CDH19: variants seen among roughly 807,000 people sequenced by gnomAD.
The protein encoded by CDH19 is cadherin 19.
A neutral mutation model predicts 64.2 loss-of-function variants in CDH19; 67 were observed. That is an observed-to-expected ratio of 1.04 (90% CI 0.86 to 1.28). The LOEUF is 1.28. CDH19 is among the 50% of genes most tolerant of loss of function. CDH19 has a pLI of 0.00. For synonymous variants in CDH19, 346 were observed against 319.3 expected (o/e 1.08, Z -0.89); for missense variants, 1,030 against 929.0 (o/e 1.11, Z -1.41).
At chr18:66,582,800 T>A (rs2144606966) in intron 1 of CDH19, among the ~76,000 whole-genome samples, 1 of 152,088 alleles carries the variant, frequency 6.6e-6, no homozygotes, top group Admixed American at 6.6e-5. Flanking sequence ...TGCCATTTCA[T>A]TTTTGGGCTG....
At chr18:66,582,223 G>A (rs1988443985) in intron 1 of CDH19, among the ~76,000 whole-genome samples, 3 of 151,930 alleles carry the variant, frequency 2.0e-5, no homozygotes, top group Non-Finnish European at 4.4e-5. Context: ...TTGTTCTAAA[G>A]ATTCTTGAGG....
intron 1 of CDH19, among the ~76,000 whole-genome samples, chr18:66,575,808 C>A (rs11873098): frequency 0.34 from 51,364 of 151,382 alleles, 9,527 homozygotes; most frequent in South Asian, 0.48. Context: ...AATAGAAAGA[C>A]CTTCTTTAAA....
Position 66,504,850 on chromosome 18 carries a change from C to A in CDH19, c.2281G>T (p.Ala761Ser). The A allele has an allele frequency of 6.2e-7, 1 of 1,608,646 alleles. No homozygotes were observed. Among genetic ancestry groups the A allele is most frequent in the Non-Finnish European group, 8.5e-7 (1 of 1,175,706 alleles). ...TGCACTGCAGAACCAAACATGCATGCTAATCTTTTAAAGCGAGGTCCCAAC... is the reference window on the plus strand; with the variant it reads ...TGCACTGCAGAACCAAACATGCATGATAATCTTTTAAAGCGAGGTCCCAAC... The part of the protein sequence containing the change: ...NELGPRFKRL[A>S]CMFGSAVQSN... The change falls in exon 12 of 12, where the codon GCA becomes TCA. Residue 761 changes from alanine to serine, a missense_variant. Physicochemically the swap from Ala to Ser is moderately conservative, Grantham distance 99 (BLOSUM62 1). Transcript: ENST00000262150.
chr18:66,516,063 T>C (rs1046027245), intron 9 of CDH19, among the ~76,000 whole-genome samples: 1 of 151,818 alleles, frequency 6.6e-6, no homozygotes, highest in South Asian at 2.1e-4. Context: ...TATTGGGGGG[T>C]CAGAGAACCT....
At chr18:66,594,477 G>A (rs934679753) in intron 1 of CDH19, among the ~76,000 whole-genome samples, 2 of 152,018 alleles carry the variant, frequency 1.3e-5, no homozygotes, top group Non-Finnish European at 1.5e-5. Context: ...TCTTATGTAC[G>A]TATGGCACAT....
At chr18:66,506,973 T>C (rs1985232936) in intron 11 of CDH19, among the ~76,000 whole-genome samples, 1 of 151,904 alleles carries the variant, frequency 6.6e-6, no homozygotes, top group Non-Finnish European at 1.5e-5. Context: ...CTGATCTGAA[T>C]TGGAGATAAA....
rs1198334787 is a variant in CDH19, at chr18:66,502,725, G to T, written c.*2087C>A. The T allele has an allele frequency of 2.0e-5, 3 of 151,778 alleles. No homozygotes were observed. In the South Asian group the frequency reaches 6.2e-4, roughly 32 times the overall value. The allele number at this position is 151,778 out of a possible 1,614,324, so 9.4% of individuals were successfully genotyped here. A position where few individuals can be genotyped will look rare whatever the true frequency, so the allele number is the denominator to read the frequency against. On this transcript the variant is annotated 3_prime_UTR_variant, in exon 12 of 12. Coordinates refer to ENST00000262150, the MANE Select transcript of CDH19 (RefSeq NM_021153.4). ...ATTTCTATTTGACTTGCAAATTTTT[G>T]CTCCTTTAAATTTTCTCTTGTTTGG... is the stretch of plus-strand genomic sequence containing the variant.
In CDH19 at chr18:66,586,587, T is replaced by C. The variant is rs115465368; in HGVS notation, c.-112-14271A>G. Among the ~76,000 whole-genome samples, 1,215 of 151,892 alleles carry C rather than the reference T, an allele frequency of 8.0e-3. 8 individuals are homozygous for C. The highest frequency in any genetic ancestry group is 0.027 in the African/African-American group (1,133 of 41,474). ...GAAGCCACAAAGTGTCTATAAACAG[T>C]CCCCTTTCATTCCAAAAGCACCTCT... On this transcript the variant is annotated intron_variant, in intron 1 of 11. Coordinates refer to ENST00000262150, the MANE Select transcript of CDH19 (RefSeq NM_021153.4).
At position 66,504,175 on chromosome 18, in the gene CDH19, C is replaced by G. The variant is rs751054749; in HGVS notation, c.*637G>C. 1 of 151,388 alleles carries G rather than the reference C, an allele frequency of 6.6e-6. No homozygotes were observed. The highest frequency in any genetic ancestry group is 2.4e-5 in the African/African-American group (1 of 41,320). The allele number at this position is 151,388 out of a possible 1,614,324, so 9.4% of individuals were successfully genotyped here. On this transcript the variant is annotated 3_prime_UTR_variant, in exon 12 of 12. Coordinates refer to ENST00000262150, the MANE Select transcript of CDH19 (RefSeq NM_021153.4). ...TGGTTTTATAAGGCTTTTATTCATA[C>G]AAAAGTTCTGTGATCCCCAGAAAGC...
chr18:66,581,137 G>A (rs1478674967), intron 1 of CDH19, among the ~76,000 whole-genome samples: 1 of 151,986 alleles, frequency 6.6e-6, no homozygotes, highest in Non-Finnish European at 1.5e-5. Context: ...CTAATACTAT[G>A]TCTTATGTTA....
At chr18:66,530,652 A>AT (rs1309988991) in intron 8 of CDH19, among the ~76,000 whole-genome samples, 9 of 88,234 alleles carry the variant, frequency 1.0e-4, no homozygotes, top group African/African-American at 6.1e-4. Flanking sequence ...TCAAATTGAT[A>AT]TAAAAAAGAC....
At chr18:66,554,920 C>T (rs916275837) in intron 3 of CDH19, among the ~76,000 whole-genome samples, 2 of 151,646 alleles carry the variant, frequency 1.3e-5, no homozygotes, top group Non-Finnish European at 3.0e-5. Context: ...GTAGCCTGTA[C>T]CTTAAACAAA....
At chr18:66,603,297 G>T (rs1989082381) in intron 1 of CDH19, among the ~76,000 whole-genome samples, 1 of 150,724 alleles carries the variant, frequency 6.6e-6, no homozygotes, top group African/African-American at 2.4e-5. Flanking sequence ...TTTACAGTAT[G>T]CATTTTCCTA....
intron 1 of CDH19, among the ~76,000 whole-genome samples, chr18:66,598,612 T>G (rs1266299480): frequency 6.6e-6 from 1 of 152,108 alleles, no homozygotes; most frequent in African/African-American, 2.4e-5. Flanking sequence ...TGTTCTCACT[T>G]ATAAGTGGAA....
At chr18:66,574,811 C>A (rs904996779) in intron 1 of CDH19, among the ~76,000 whole-genome samples, 1 of 151,606 alleles carries the variant, frequency 6.6e-6, no homozygotes, top group Non-Finnish European at 1.5e-5. Context: ...TATAGAATAA[C>A]AAAGATAAAG....
At chr18:66,527,710 C>T (rs952249553) in intron 9 of CDH19, among the ~76,000 whole-genome samples, 2 of 151,874 alleles carry the variant, frequency 1.3e-5, no homozygotes, top group Non-Finnish European at 2.9e-5. Context: ...GCCAAGATCA[C>T]GCCACTTCAC....
At chr18:66,568,830 A>G (rs898951172) in intron 2 of CDH19, 120 bp from the exon 3 acceptor site, 1 of 800,528 alleles carries the variant, frequency 1.2e-6, no homozygotes, top group African/African-American at 1.8e-5. Flanking sequence ...TATTATTTCC[A>G]CATTACATTA....
intron 1 of CDH19, among the ~76,000 whole-genome samples, chr18:66,591,523 A>G (rs1359983244): frequency 3.3e-5 from 5 of 151,904 alleles, no homozygotes; most frequent in Non-Finnish European, 5.9e-5. Flanking sequence ...TCTATTATGT[A>G]AAATTTTCAG....
intron 9 of CDH19, among the ~76,000 whole-genome samples, chr18:66,524,036 T>A (rs73535802): frequency 0.023 from 3,490 of 152,196 alleles, 125 homozygotes; most frequent in African/African-American, 0.078. Flanking sequence ...CATATTGCTG[T>A]ACCAGAAACC....
Sources: allele counts gnomAD v4.1 joint callset (sites outside exome capture counted in the v4.1 genomes callset), GRCh38; gene constraint gnomAD v4.1.1; transcripts MANE v1.5; gene names NCBI Gene and HGNC (gene_info 2026-07-23, HGNC 2026-07-21).